The following PDCD11 variants were observed in gnomAD, a reference collection of about 807,000 sequenced individuals.
PDCD11 encodes protein RRP5 homolog.
In PDCD11, 97 loss-of-function variants were observed where a neutral mutation model predicts 198.9. The ratio of observed to expected loss-of-function variants is 0.49; its 90% CI spans 0.41 to 0.58. PDCD11 has a LOEUF of 0.58. Among genes scored for constraint, PDCD11 ranks in the 20% least tolerant of loss-of-function variants. The pLI, the probability that PDCD11 is intolerant of heterozygous loss-of-function variation, is 0.00. For missense variants in PDCD11, 2,102 were observed against 2,312.7 expected (o/e 0.91, Z 1.87); for synonymous variants, 893 against 918.0 (o/e 0.97, Z 0.49).
At chr10:103,443,871 T>C (rs776688773) in intron 33 of PDCD11, 44 bp from the exon 34 acceptor site, 2 of 1,596,582 alleles carry the variant, frequency 1.3e-6, no homozygotes, top group East Asian at 4.5e-5. Flanking sequence ...TTGTCCCCTC[T>C]GTAGTATCAC....
intron 8 of PDCD11, among the ~76,000 whole-genome samples, chr10:103,412,574 G>T (rs2030865542): frequency 6.6e-6 from 1 of 152,168 alleles, no homozygotes; most frequent in South Asian, 2.1e-4. Context: ...CCTGCTGCCT[G>T]CTTCGGCCTC....
rs781461160 is a variant in PDCD11 at position 103,416,510 on chromosome 10, A to C, written c.1538A>C (p.Glu513Ala). The part of the protein sequence containing the change: ...VKCRVLLCDP[E>A]AKKLMMTLKK... Reference sequence around the variant, plus strand: ...CCCTAGGTTTTGCTTTGTGACCCTGAAGCCAAGAAGCTGATGATGACCCTG... The same window carrying C: ...CCCTAGGTTTTGCTTTGTGACCCTGCAGCCAAGAAGCTGATGATGACCCTG... Residue 513 changes from glutamate to alanine, a missense_variant, in exon 13 of 36, where the codon GAA (glutamate) becomes GCA (alanine). Transcript: ENST00000369797. 4 of 1,614,140 alleles carry C rather than the reference A, an allele frequency of 2.5e-6. No homozygotes were observed. The highest frequency in any genetic ancestry group is 3.4e-6 in the Non-Finnish European group (4 of 1,179,996).
At chr10:103,398,638 TGAA>T in intron 2 of PDCD11, 110 bp downstream of exon 2, 2 of 715,718 alleles carry the variant, frequency 2.8e-6, no homozygotes, top group Admixed American at 4.6e-5. Context: ...TTTTTTGCAT[TGAA>T]GTCTACTTCT....
Position 103,415,109 on chromosome 10 carries a change from T to A in PDCD11, c.1476T>A (p.Asn492Lys). 1 of 1,614,084 alleles carries A rather than the reference T, an allele frequency of 6.2e-7. No homozygotes were observed. The highest frequency in any genetic ancestry group is 8.5e-7 in the Non-Finnish European group (1 of 1,180,018). Residue 492 changes from asparagine (N) to lysine (K), a missense_variant, in exon 12 of 36, where the codon AAT (asparagine) becomes AAA (lysine). By Grantham distance (94) the Asn-to-Lys change is moderately conservative. Coordinates refer to ENST00000369797, the MANE Select transcript of PDCD11 (RefSeq NM_014976.2). ...ACCTGGCTGACATCCTGATGAAGAA[T>A]CCGGAGAAGAAGTACCACATCGGGG... ...PMHLADILMK[N>K]PEKKYHIGDE...
rs1276804850 is a variant in PDCD11, at chr10:103,425,359, A to G, written c.3139A>G (p.Lys1047Glu). 2 of 1,614,030 alleles carry G rather than the reference A, an allele frequency of 1.2e-6. No homozygotes were observed. Among genetic ancestry groups the G allele is most frequent in the Non-Finnish European group, 1.7e-6 (2 of 1,180,042 alleles). ...GGTCACAGGGACTGTCAAGTCCATT[A>G]AGCCTACCCATGTGGTTGTGACTCT... ...DMVTGTVKSI[K>E]PTHVVVTLED... The change falls in exon 20 of 36, where the codon AAG becomes GAG. Residue 1047 changes from lysine (K) to glutamate (E), a missense_variant. By Grantham distance (56) the Lys-to-Glu change is moderately conservative. Coordinates refer to ENST00000369797, the MANE Select transcript of PDCD11 (RefSeq NM_014976.2).
intron 4 of PDCD11, among the ~76,000 whole-genome samples, chr10:103,404,684 A>T (rs939882512): frequency 6.6e-6 from 1 of 152,244 alleles, no homozygotes; most frequent in Non-Finnish European, 1.5e-5. Context: ...TGGTGATTCT[A>T]TGGGAGATAG....
At chr10:103,427,236 C>A in intron 20 of PDCD11, 93 bp from the exon 21 acceptor site, 2 of 1,122,548 alleles carry the variant, frequency 1.8e-6, no homozygotes, top group South Asian at 1.2e-5. Flanking sequence ...CTTTTGTGAG[C>A]TTGGTTTGGT....
intron 21 of PDCD11, among the ~76,000 whole-genome samples, chr10:103,429,240 A>G (rs2031823703): frequency 1.3e-5 from 2 of 152,166 alleles, no homozygotes; most frequent in South Asian, 4.1e-4. Context: ...GCCATTCAGG[A>G]GTCTTAAACG....
intron 21 of PDCD11, among the ~76,000 whole-genome samples, chr10:103,429,776 C>T (rs1437748136): frequency 6.6e-6 from 1 of 152,102 alleles, no homozygotes; most frequent in African/African-American, 2.4e-5. Context: ...TGAAACTATA[C>T]CTATGGAACA....
chr10:103,426,328 A>G (rs925544425), intron 20 of PDCD11, among the ~76,000 whole-genome samples: 4 of 152,264 alleles, frequency 2.6e-5, no homozygotes, highest in Admixed American at 2.6e-4. Flanking sequence ...CAGCAAAAAA[A>G]GAATTCAAAG....
intron 8 of PDCD11, among the ~76,000 whole-genome samples, chr10:103,410,284 G>T (rs1270269612): frequency 6.6e-6 from 1 of 151,870 alleles, no homozygotes; most frequent in Non-Finnish European, 1.5e-5. Flanking sequence ...ACTCTCAGTG[G>T]CTGAACTGAA....
chr10:103,420,072 A>G (rs969247899), intron 16 of PDCD11, among the ~76,000 whole-genome samples: 1 of 146,680 alleles, frequency 6.8e-6, no homozygotes. Flanking sequence ...TGCTGCGATT[A>G]CAGGTGTGAG....
At chr10:103,442,544 G>C (rs530106320) in intron 32 of PDCD11, 84 bp downstream of exon 32, 2 of 1,491,978 alleles carry the variant, frequency 1.3e-6, no homozygotes, top group Non-Finnish European at 1.8e-6. Flanking sequence ...GCTCCTCCTA[G>C]GCAGGCCGGC....
chr10:103,423,456 C>A, intron 18 of PDCD11, 87 bp from the exon 19 acceptor site: 4 of 1,015,990 alleles, frequency 3.9e-6, no homozygotes, highest in South Asian at 1.4e-5. Flanking sequence ...TTTTTTGGAT[C>A]TAAGGGGTAG....
intron 35 of PDCD11, 25 bp downstream of exon 35, chr10:103,444,707 C>T (rs370414042): frequency 7.0e-5 from 113 of 1,610,190 alleles, no homozygotes; most frequent in African/African-American, 1.3e-4. Context: ...TGGCCAAGGC[C>T]GAGTTCCTCA....
intron 8 of PDCD11, among the ~76,000 whole-genome samples, chr10:103,412,424 G>A (rs1280339631): frequency 6.6e-6 from 1 of 152,080 alleles, no homozygotes; most frequent in Non-Finnish European, 1.5e-5. Context: ...GGGTTCAAGC[G>A]ATTCTCCTGC....
chr10:103,403,365 C>T, intron 4 of PDCD11, 80 bp downstream of exon 4: 1 of 1,349,178 alleles, frequency 7.4e-7, no homozygotes, highest in Non-Finnish European at 1.0e-6. Context: ...TTGCCAGGTG[C>T]TAAGAAGGGA....
At chr10:103,405,937 C>T (rs199841503) in intron 5 of PDCD11, 48 bp from the exon 6 acceptor site, 494 of 1,600,932 alleles carry the variant, frequency 3.1e-4, no homozygotes, top group Non-Finnish European at 3.9e-4. Flanking sequence ...TTGTGTGTGT[C>T]CCATTACCTT....
At position 103,425,581 on chromosome 10, in the gene PDCD11, G is replaced by A. The variant is rs1223678882; in HGVS notation, c.3305+56G>A. ...GAGGGAGATTGTTGTTGTTGTGGGA[G>A]GACTGGGAAAGTAGGTGGGCTCCAA... On this transcript the variant is annotated intron_variant, in intron 20 of 35. Transcript: ENST00000369797. 16 of 1,515,032 alleles carry A rather than the reference G, an allele frequency of 1.1e-5. No individual in the cohort carries two copies. The South Asian group carries it at 2.0e-4, about 19-fold the overall frequency. The allele number at this position is 1,515,032 out of a possible 1,614,324, so 93.8% of individuals were successfully genotyped here. A position where few individuals can be genotyped will look rare whatever the true frequency, so the allele number is the denominator to read the frequency against.
Sources: gnomAD v4.1 joint callset for allele counts (sites outside exome capture counted in the v4.1 genomes callset) on GRCh38, gnomAD v4.1.1 for gene constraint, MANE v1.5 for transcripts, NCBI Gene and HGNC (gene_info 2026-07-23, HGNC 2026-07-21) for gene names.